The following TRAF3IP3 variants were observed in gnomAD, a reference collection of about 807,000 sequenced individuals.
The protein encoded by TRAF3IP3 is TRAF3-interacting JNK-activating modulator.
A neutral mutation model predicts 86.5 loss-of-function variants in TRAF3IP3; 64 were observed. The observed-to-expected ratio is 0.74, with a 90% confidence interval of 0.60 to 0.91. The LOEUF is 0.91. Ranked by LOEUF, TRAF3IP3 falls within the 40% of genes least tolerant of loss-of-function variation. The probability of loss-of-function intolerance (pLI) is 0.00; values close to 1 mark genes in which losing one functional copy is unlikely to be tolerated. For missense variants in TRAF3IP3, 579 were observed against 642.9 expected (o/e 0.90, Z 1.07); for synonymous variants, 220 against 243.9 (o/e 0.90, Z 0.91).
At position 209,763,598 on chromosome 1, in the gene TRAF3IP3, G is replaced by T; in HGVS notation, c.702+11G>T. 2 of 1,598,838 alleles carry T rather than the reference G, an allele frequency of 1.3e-6. No homozygotes were observed. Among genetic ancestry groups the T allele is most frequent in the Admixed American group, 1.7e-5 (1 of 59,580 alleles). Reference sequence around the variant, plus strand: ...GACAGCTCTTGGAAGGTAAGGGAATGAAATTCTTTTTGAACAAAGCTTGGG... The same window carrying T: ...GACAGCTCTTGGAAGGTAAGGGAATTAAATTCTTTTTGAACAAAGCTTGGG... On this transcript the variant is annotated intron_variant, in intron 8 of 16. Transcript: ENST00000367025.
At chr1:209,775,197 C>T (rs1414666494) in intron 9 of TRAF3IP3, 152 bp from the exon 10 acceptor site, 28 of 721,674 alleles carry the variant, frequency 3.9e-5, no homozygotes, top group Non-Finnish European at 6.0e-5. Flanking sequence ...AGGGACTCTT[C>T]TTGCTAGCTC....
At chr1:209,774,793 T>C (rs1433239075) in intron 9 of TRAF3IP3, among the ~76,000 whole-genome samples, 1 of 152,170 alleles carries the variant, frequency 6.6e-6, no homozygotes, top group Non-Finnish European at 1.5e-5. Flanking sequence ...GAAAAGGGAC[T>C]GAAGGGAGGC....
intron 8 of TRAF3IP3, among the ~76,000 whole-genome samples, chr1:209,768,908 T>A (rs1266925795): frequency 6.6e-6 from 1 of 152,212 alleles, no homozygotes; most frequent in East Asian, 1.9e-4. Context: ...AAAGCAGAGC[T>A]GTGGAAAGAG....
chr1:209,782,047 C>A lies in TRAF3IP3; in HGVS notation c.1564-9C>A. On this transcript the variant is annotated splice_polypyrimidine_tract_variant and intron_variant, in intron 16 of 16. Transcript: ENST00000367025. Reference sequence around the variant, plus strand: ...GGCCACTTTCTTCTGTCTCCCTGTCCCCCTACAGAGGCAATGTGGGCGATG... The same window carrying A: ...GGCCACTTTCTTCTGTCTCCCTGTCACCCTACAGAGGCAATGTGGGCGATG... 6.2e-7 allele frequency: 1 copy of A among 1,611,320 alleles called. No homozygotes were observed. Among genetic ancestry groups the A allele is most frequent in the Non-Finnish European group, 8.5e-7 (1 of 1,177,476 alleles).
chr1:209,777,466 T>G lies in TRAF3IP3; in HGVS notation c.1168T>G (p.Leu390Val). The G allele has an allele frequency of 1.2e-6, 2 of 1,613,894 alleles. No homozygotes were observed. Among genetic ancestry groups the G allele is most frequent in the South Asian group, 1.1e-5 (1 of 91,056 alleles). Residue 390 changes from leucine to valine, a missense_variant, in exon 12 of 17, where the codon TTG (leucine) becomes GTG (valine). Leu to Val is a conservative substitution (Grantham distance 32, BLOSUM62 1). Transcript: ENST00000367025. ...GCAAGGGGACAGAGACCTGTGCAGCTTGGATACCCAGGACCTACAAGGTAC... is the reference window on the plus strand; with the variant it reads ...GCAAGGGGACAGAGACCTGTGCAGCGTGGATACCCAGGACCTACAAGGTAC... ...CLQGDRDLCSLDTQDLQDQLK... is the reference protein window; with the variant it reads ...CLQGDRDLCSVDTQDLQDQLK...
chr1:209,777,100 AAAAT>A (rs2077669270), intron 11 of TRAF3IP3: 3 of 253,780 alleles, frequency 1.2e-5, no homozygotes, highest in Non-Finnish European at 1.5e-5. Context: ...TCTAAAAATA[AAAAT>A]AAATAAATAA....
chr1:209,756,647 C>A (rs2077159778), intron 1 of TRAF3IP3, among the ~76,000 whole-genome samples: 1 of 152,220 alleles, frequency 6.6e-6, no homozygotes, highest in Non-Finnish European at 1.5e-5. Context: ...TCCCTGAACA[C>A]AAGACTGCCT....
chr1:209,772,906 A>G, intron 8 of TRAF3IP3, 42 bp from the exon 9 acceptor site: 2 of 1,552,648 alleles, frequency 1.3e-6, no homozygotes, highest in Non-Finnish European at 1.8e-6. Flanking sequence ...TTTGCAGACT[A>G]GATTTTGCCC....
Position 209,779,394 on chromosome 1 carries a change from CAA to C in TRAF3IP3, c.1312+22_1312+23del. 1 of 1,606,138 alleles carries C rather than the reference CAA, an allele frequency of 6.2e-7. No individual in the cohort carries two copies. The highest frequency in any genetic ancestry group is 8.5e-7 in the Non-Finnish European group (1 of 1,172,700). On this transcript the variant is annotated intron_variant, in intron 14 of 16. Transcript: ENST00000367025. ...AGAAAGGTCAGCAAATTTATTACCA[CAA>C]ATTCTAAGATATTGCTCTTCTCTTA...
chr1:209,780,329 G>A, intron 14 of TRAF3IP3, 141 bp from the exon 15 acceptor site: 1 of 692,898 alleles, frequency 1.4e-6, no homozygotes, highest in African/African-American at 1.8e-5. Flanking sequence ...TAACCTTTAT[G>A]TCAGAGAATG....
Position 209,760,204 on chromosome 1 carries a change from G to A in TRAF3IP3, c.165G>A (p.Glu55=), listed in dbSNP as rs1406930672. The change falls in exon 3 of 17, where the codon GAG becomes GAA. Residue 55 remains glutamate, a synonymous_variant. Coordinates refer to ENST00000367025, the MANE Select transcript of TRAF3IP3 (RefSeq NM_025228.4). ...VGKTLRIQQR[E]QLQRARLQQF... is the part of the protein sequence containing the mutation. ...AGACGCTGAGGATCCAACAGAGAGAGCAGCTCCAGAGAGCTCGACTGCAGC... is the reference window on the plus strand; with the variant it reads ...AGACGCTGAGGATCCAACAGAGAGAACAGCTCCAGAGAGCTCGACTGCAGC... The A allele has an allele frequency of 1.2e-6, 2 of 1,614,260 alleles. No homozygotes were observed. The highest frequency in any genetic ancestry group is 1.7e-6 in the Non-Finnish European group (2 of 1,180,036).
At chr1:209,771,567 A>AT (rs2077527170) in intron 8 of TRAF3IP3, among the ~76,000 whole-genome samples, 2 of 115,348 alleles carry the variant, frequency 1.7e-5, no homozygotes, top group African/African-American at 3.4e-5. Context: ...GTATGTGTGC[A>AT]GTGGAAGTGT....
intron 7 of TRAF3IP3, 32 bp from the exon 8 acceptor site, chr1:209,763,460 T>A: frequency 6.2e-7 from 1 of 1,613,488 alleles, no homozygotes; most frequent in Non-Finnish European, 8.5e-7. Context: ...AGGTTAATCT[T>A]ACCCTCTTGC....
intron 8 of TRAF3IP3, chr1:209,768,627 G>C: frequency 1.0e-6 from 1 of 985,870 alleles, no homozygotes; most frequent in South Asian, 4.7e-5. Context: ...AAACCACGCA[G>C]AAGCAGGAGC....
At chr1:209,777,550 G>A (rs2077684095) in intron 12 of TRAF3IP3, 63 bp downstream of exon 12, 1 of 1,492,780 alleles carries the variant, frequency 6.7e-7, no homozygotes, top group Non-Finnish European at 9.0e-7. Context: ...TAAGAAAAAA[G>A]AAACTGAATT....
rs1195434591 is a variant in TRAF3IP3, at chr1:209,770,962, G to A, written c.703-1986G>A. On this transcript the variant is annotated intron_variant, in intron 8 of 16. Transcript: ENST00000367025. ...TGGAGGTGTGCGTGTGCATGTGGAGGGGTGCGTGTGCATGTGGAGGTGTGT... is the reference window on the plus strand; with the variant it reads ...TGGAGGTGTGCGTGTGCATGTGGAGAGGTGCGTGTGCATGTGGAGGTGTGT... 2.1e-5 allele frequency among the ~76,000 whole-genome samples: 3 copies of A among 146,076 alleles called. No homozygotes were observed. The East Asian group carries it at 6.3e-4, about 31-fold the overall frequency.
intron 3 of TRAF3IP3, 92 bp from the exon 4 acceptor site, chr1:209,762,423 C>T: frequency 1.5e-6 from 2 of 1,321,152 alleles, no homozygotes; most frequent in South Asian, 2.2e-5. Flanking sequence ...CCATAACAAA[C>T]ATGATGGTTA....
chr1:209,767,674 T>C (rs1354590092), intron 8 of TRAF3IP3, among the ~76,000 whole-genome samples: 1 of 149,112 alleles, frequency 6.7e-6, no homozygotes, highest in East Asian at 1.9e-4. Context: ...GACCCTGTCT[T>C]GAAAAAAAAA....
In TRAF3IP3 at chr1:209,780,501, C is replaced by T. The variant is rs1159394152; in HGVS notation, c.1344C>T (p.Ser448=). Residue 448 remains serine (S), a synonymous_variant, in exon 15 of 17, where the codon TCC becomes TCT. Transcript: ENST00000367025. ...DQALPVWSPK[S]FPNEVEPEGT... The stretch of plus-strand genomic sequence containing the variant: ...CTTTGCCCGTGTGGAGTCCAAAGTC[C>T]TTCCCTAACGAAGTGGAGCCTGAGG... The T allele has an allele frequency of 6.2e-7, 1 of 1,600,316 alleles. No homozygotes were observed. Among genetic ancestry groups the T allele is most frequent in the Non-Finnish European group, 8.5e-7 (1 of 1,172,970 alleles).
Sources: allele counts gnomAD v4.1 joint callset (sites outside exome capture counted in the v4.1 genomes callset), GRCh38; gene constraint gnomAD v4.1.1; transcripts MANE v1.5; gene names NCBI Gene and HGNC (gene_info 2026-07-23, HGNC 2026-07-21).